TTLL11: variants seen among roughly 807,000 people sequenced by gnomAD.
TTLL11 encodes tubulin polyglutamylase TTLL11.
In TTLL11, 42 loss-of-function variants were observed where a neutral mutation model predicts 51.7. The ratio of observed to expected loss-of-function variants is 0.81; its 90% confidence interval spans 0.64 to 1.05. The LOEUF is 1.05. Ranked by LOEUF, TTLL11 falls within the 50% of genes least tolerant of loss-of-function variation. TTLL11 has a pLI of 0.00. For synonymous variants in TTLL11, 381 were observed against 383.5 expected (o/e 0.99, Z 0.08); for missense variants, 799 against 940.4 (o/e 0.85, Z 1.97).
intron 1 of TTLL11, among the ~76,000 whole-genome samples, chr9:122,059,610 G>A (rs1564379634): frequency 6.6e-6 from 1 of 151,832 alleles, no homozygotes; most frequent in Non-Finnish European, 1.5e-5. Flanking sequence ...CTGTGATTCA[G>A]AAAAAAAATG....
chr9:121,971,020 G>C (rs1450326455), intron 6 of TTLL11, among the ~76,000 whole-genome samples: 1 of 145,802 alleles, frequency 6.9e-6, no homozygotes, highest in Non-Finnish European at 1.5e-5. Flanking sequence ...GAGGGAGGTG[G>C]GGGGGTCAGC....
In TTLL11 at chr9:121,831,391, T is replaced by C. The variant is rs1002759174; in HGVS notation, c.1841-8512A>G. 1.4e-4 allele frequency among the ~76,000 whole-genome samples: 22 copies of C among 152,096 alleles called. No homozygotes were observed. In the South Asian group the frequency reaches 4.2e-3, roughly 29 times the overall value. ...TCTTGAAGGGCTCTATCGGAGTCAGTGGAGTGAAGAAGTTAAGAGAATGGT... is the reference window on the plus strand; with the variant it reads ...TCTTGAAGGGCTCTATCGGAGTCAGCGGAGTGAAGAAGTTAAGAGAATGGT... On this transcript the variant is annotated intron_variant, in intron 8 of 8. Coordinates refer to ENST00000321582, the MANE Select transcript of TTLL11 (RefSeq NM_001139442.2).
intron 6 of TTLL11, among the ~76,000 whole-genome samples, chr9:121,931,601 A>AAAG (rs1564311741): frequency 1.2e-4 from 17 of 146,370 alleles, no homozygotes; most frequent in African/African-American, 3.5e-4. Context: ...AAAAAAAAAA[A>AAAG]AAAAGAAAAG....
At chr9:121,833,878 C>T (rs1350928729) in intron 8 of TTLL11, among the ~76,000 whole-genome samples, 1 of 152,176 alleles carries the variant, frequency 6.6e-6, no homozygotes. Context: ...AGCTTCCTTG[C>T]TAGTAATTCT....
intron 6 of TTLL11, among the ~76,000 whole-genome samples, chr9:121,941,382 C>T (rs1841461300): frequency 6.6e-6 from 1 of 152,182 alleles, no homozygotes; most frequent in South Asian, 2.1e-4. Context: ...AGGCTGATGG[C>T]TATGAAATCA....
At chr9:121,861,128 T>A (rs1029856398) in intron 7 of TTLL11, among the ~76,000 whole-genome samples, 1 of 149,442 alleles carries the variant, frequency 6.7e-6, no homozygotes, top group African/African-American at 2.5e-5. Flanking sequence ...TGCTCTGTCA[T>A]CCAGGCTGGA....
At chr9:122,008,132 T>C (rs60891540) in intron 3 of TTLL11, among the ~76,000 whole-genome samples, 2,442 of 152,174 alleles carry the variant, frequency 0.016, 47 homozygotes, top group African/African-American at 0.056. Context: ...AATACCAATG[T>C]CATGAAACAC....
chr9:121,920,971 T>C (rs978710924), intron 6 of TTLL11, among the ~76,000 whole-genome samples: 15 of 152,226 alleles, frequency 9.9e-5, no homozygotes, highest in African/African-American at 3.6e-4. Context: ...CCTCATGCTT[T>C]TGAGTTATTT....
At chr9:121,888,975 G>T (rs140494317) in intron 6 of TTLL11, among the ~76,000 whole-genome samples, 3 of 152,188 alleles carry the variant, frequency 2.0e-5, no homozygotes, top group Non-Finnish European at 2.9e-5. Context: ...CTTTGCCCAA[G>T]GACACATAGC....
chr9:122,092,692 T>C lies in TTLL11; in HGVS notation c.457A>G (p.Lys153Glu). 1 of 1,537,114 alleles carries C rather than the reference T, an allele frequency of 6.5e-7. No individual in the cohort carries two copies. The highest frequency in any genetic ancestry group is 8.7e-7 in the Non-Finnish European group (1 of 1,146,890). Residue 153 changes from lysine (K) to glutamate (E), a missense_variant, in exon 1 of 9, where the codon AAG (lysine) becomes GAG (glutamate). By Grantham distance (56) the Lys-to-Glu change is moderately conservative (BLOSUM62 1). This residue lies in a region of TTLL11 where 468 missense variants were observed against 612.8 expected (regional missense o/e 0.76). Transcript: ENST00000321582. ...CGGGTCGGGCCGGGCCTCACCTCCT[T>C]CCACTTGAGCTGGCGGATGCTGATC... Reference protein sequence around the residue: ...LKISIRQLKWKEFPFGRRLPC... With the variant: ...LKISIRQLKWEEFPFGRRLPC...
intron 1 of TTLL11, among the ~76,000 whole-genome samples, chr9:122,064,692 CATTACAAAAATA>C (rs1382672100): frequency 1.3e-5 from 2 of 152,128 alleles, no homozygotes; most frequent in Non-Finnish European, 1.5e-5. Flanking sequence ...CACAAGAACT[CATTACAAAAATA>C]ATTACGAGTG....
intron 6 of TTLL11, among the ~76,000 whole-genome samples, chr9:121,895,444 C>T (rs1324710624): frequency 1.3e-5 from 2 of 148,338 alleles, no homozygotes; most frequent in South Asian, 2.2e-4. Context: ...TGTCTGTGCA[C>T]GTTTGTGTGG....
chr9:121,826,153 A>AATATATATATATATAT (rs10562547), intron 8 of TTLL11, among the ~76,000 whole-genome samples: 4 of 70,928 alleles, frequency 5.6e-5, no homozygotes, highest in African/African-American at 2.3e-4. Flanking sequence ...ATCAAAGTAG[A>AATATATATATATATAT]ATATATATAT....
intron 6 of TTLL11, among the ~76,000 whole-genome samples, chr9:121,905,308 G>T (rs1839904963): frequency 6.6e-6 from 1 of 151,680 alleles, no homozygotes; most frequent in African/African-American, 2.4e-5. Context: ...TCACATAGCT[G>T]AAGTCACACT....
At chr9:121,996,147 G>C (rs1200834726) in intron 3 of TTLL11, among the ~76,000 whole-genome samples, 2 of 152,186 alleles carry the variant, frequency 1.3e-5, no homozygotes. Context: ...TGGCCTGGAT[G>C]GTCCTCCCTT....
intron 8 of TTLL11, among the ~76,000 whole-genome samples, chr9:121,849,558 T>TA (rs1214985085): frequency 6.6e-6 from 1 of 152,050 alleles, no homozygotes; most frequent in East Asian, 1.9e-4. Context: ...ACTCAACAAT[T>TA]AAAAAAACTC....
intron 3 of TTLL11, among the ~76,000 whole-genome samples, chr9:122,006,747 G>A (rs576082133): frequency 1.3e-5 from 2 of 152,176 alleles, no homozygotes; most frequent in South Asian, 4.1e-4. Context: ...CACTTTGGGA[G>A]GCCAAGGCGG....
intron 6 of TTLL11, among the ~76,000 whole-genome samples, chr9:121,897,320 C>T (rs1554766684): frequency 6.6e-6 from 1 of 152,166 alleles, no homozygotes; most frequent in Non-Finnish European, 1.5e-5. Flanking sequence ...CGAGATCACA[C>T]AGCTAGCACG....
chr9:121,877,607 T>G (rs1050127110), intron 6 of TTLL11, among the ~76,000 whole-genome samples: 8 of 152,184 alleles, frequency 5.3e-5, no homozygotes, highest in African/African-American at 1.9e-4. Flanking sequence ...CTTTCCTCTG[T>G]AACATATCAT....
Sources: gnomAD v4.1 joint callset for allele counts (sites outside exome capture counted in the v4.1 genomes callset) on GRCh38, gnomAD v4.1.1 for gene constraint, gnomAD v4.1.1 regional missense constraint, MANE v1.5 for transcripts, NCBI Gene and HGNC (gene_info 2026-07-23, HGNC 2026-07-21) for gene names.